The following TMEM132D variants were observed in gnomAD, a reference collection of about 807,000 sequenced individuals.
The protein encoded by TMEM132D is transmembrane protein 132D.
In TMEM132D, 21 loss-of-function variants were observed where a neutral mutation model predicts 62.3. The observed-to-expected ratio is 0.34, with a 90% confidence interval of 0.24 to 0.49. The LOEUF (loss-of-function observed/expected upper bound fraction) is 0.49, where lower values mean the gene tolerates loss of function less well. Among genes scored for constraint, TMEM132D ranks in the 20% least tolerant of loss-of-function variants. TMEM132D has a pLI of 0.99. For missense variants in TMEM132D, 1,346 were observed against 1,402.8 expected, an observed-to-expected ratio of 0.96 and a Z score of 0.65; for synonymous variants, 621 against 575.6, an observed-to-expected ratio of 1.08 and a Z score of -1.13.
At chr12:129,173,509 G>C (rs1877797407) in intron 5 of TMEM132D, among the ~76,000 whole-genome samples, 1 of 152,176 alleles carries the variant, frequency 6.6e-6, no homozygotes, top group Admixed American at 6.5e-5. Context: ...TTTTCAGCCT[G>C]AGGGATTCTT....
chr12:129,800,545 G>A (rs1469876849), intron 1 of TMEM132D, among the ~76,000 whole-genome samples: 1 of 152,112 alleles, frequency 6.6e-6, no homozygotes, highest in African/African-American at 2.4e-5. Flanking sequence ...TACAAAAGGG[G>A]AGCAGTGGAG....
intron 1 of TMEM132D, among the ~76,000 whole-genome samples, chr12:129,711,893 T>C (rs1260591463): frequency 6.6e-6 from 1 of 151,232 alleles, no homozygotes; most frequent in Non-Finnish European, 1.5e-5. Flanking sequence ...TAAAAGTTGA[T>C]AGTGTCCTTT....
rs145585718 is a variant in TMEM132D, at chr12:129,657,570, G to A, written c.968+42240C>T. ...GTTAAAATAAATGCTGAAGGTCATC[G>A]TTTGAGAGGGCAGCCTCCCCTTCAA... On this transcript the variant is annotated intron_variant, in intron 2 of 8. Transcript: ENST00000422113. 5.6e-3 allele frequency among the ~76,000 whole-genome samples: 851 copies of A among 152,320 alleles called. 8 individuals are homozygous for A. Among genetic ancestry groups the A allele is most frequent in the African/African-American group, 0.019 (810 of 41,574 alleles).
intron 1 of TMEM132D, among the ~76,000 whole-genome samples, chr12:129,817,285 G>A (rs1872374059): frequency 6.6e-6 from 1 of 152,198 alleles, no homozygotes; most frequent in Non-Finnish European, 1.5e-5. Flanking sequence ...TGCAGATGAT[G>A]TCTTTCTGCA....
At chr12:129,850,282 T>A (rs925303858) in intron 1 of TMEM132D, among the ~76,000 whole-genome samples, 6 of 152,174 alleles carry the variant, frequency 3.9e-5, no homozygotes, top group Admixed American at 3.9e-4. Context: ...TTCCCAGTTC[T>A]GGGTGGAGAA....
intron 5 of TMEM132D, among the ~76,000 whole-genome samples, chr12:129,191,647 T>C (rs1160191046): frequency 6.6e-6 from 1 of 151,940 alleles, no homozygotes; most frequent in African/African-American, 2.4e-5. Context: ...TATATTTATA[T>C]ATATCTCAGT....
intron 3 of TMEM132D, among the ~76,000 whole-genome samples, chr12:129,509,027 C>T (rs1875424192): frequency 6.6e-6 from 1 of 152,122 alleles, no homozygotes; most frequent in South Asian, 2.1e-4. Context: ...TGCAGTTCAC[C>T]ATATTGCAAT....
rs1336044823 is a variant in TMEM132D, at chr12:129,830,692, T to C, written c.79+72569A>G. Among the ~76,000 whole-genome samples the C allele has an allele frequency of 4.6e-5, 7 of 152,156 alleles. No individual in the cohort carries two copies. In the East Asian group the frequency reaches 1.3e-3, roughly 29 times the overall value. On this transcript the variant is annotated intron_variant, in intron 1 of 8. Transcript: ENST00000422113. ...CTCCCTGGGGCTGTGTCACAGGCAC[T>C]CGTCCTTAACTTTGGGAGATAAACC...
At chr12:129,780,571 T>C (rs1410839948) in intron 1 of TMEM132D, among the ~76,000 whole-genome samples, 1 of 152,116 alleles carries the variant, frequency 6.6e-6, no homozygotes, top group African/African-American at 2.4e-5. Flanking sequence ...GCCATCTGGC[T>C]GCTTCCCCAA....
intron 2 of TMEM132D, among the ~76,000 whole-genome samples, chr12:129,674,002 G>A (rs187187422): frequency 8.9e-4 from 136 of 152,246 alleles, no homozygotes; most frequent in African/African-American, 2.6e-3. Flanking sequence ...GAAAACCCCC[G>A]CTGACAGTTT....
chr12:129,126,355 TCTC>T (rs1288884860), intron 5 of TMEM132D, among the ~76,000 whole-genome samples: 30 of 138,644 alleles, frequency 2.2e-4, no homozygotes, highest in East Asian at 3.9e-4. Context: ...TCAGTTTCTC[TCTC>T]TTTTTTTTTT....
intron 4 of TMEM132D, among the ~76,000 whole-genome samples, chr12:129,243,341 G>C (rs146676423): frequency 6.6e-6 from 1 of 152,152 alleles, no homozygotes; most frequent in African/African-American, 2.4e-5. Flanking sequence ...TCAGACCTTG[G>C]ATTTATGAAC....
intron 3 of TMEM132D, among the ~76,000 whole-genome samples, chr12:129,433,742 G>A (rs1025597490): frequency 1.3e-5 from 2 of 152,174 alleles, no homozygotes; most frequent in African/African-American, 4.8e-5. Context: ...GCTGCCAGGA[G>A]GTGCTAAGGG....
At chr12:129,809,531 A>G (rs1022652874) in intron 1 of TMEM132D, among the ~76,000 whole-genome samples, 1 of 152,068 alleles carries the variant, frequency 6.6e-6, no homozygotes, top group Non-Finnish European at 1.5e-5. Flanking sequence ...CTGCATGAAG[A>G]AATGGGGCAG....
At chr12:129,665,112 G>A (rs1446559346) in intron 2 of TMEM132D, among the ~76,000 whole-genome samples, 1 of 152,024 alleles carries the variant, frequency 6.6e-6, no homozygotes, top group Non-Finnish European at 1.5e-5. Flanking sequence ...GTGTAAAAAT[G>A]GGCATGGTTT....
At chr12:129,094,069 A>G (rs1875019941) in intron 5 of TMEM132D, among the ~76,000 whole-genome samples, 1 of 152,156 alleles carries the variant, frequency 6.6e-6, no homozygotes, top group African/African-American at 2.4e-5. Flanking sequence ...ACCTAAAACC[A>G]TAAAAACCCT....
intron 2 of TMEM132D, among the ~76,000 whole-genome samples, chr12:129,588,191 C>T (rs1610177): frequency 0.19 from 28,791 of 152,214 alleles, 2,979 homozygotes; most frequent in Middle Eastern, 0.27. Flanking sequence ...CAAGATCATT[C>T]GCTTAATTCC....
chr12:129,814,764 C>G (rs1056496691), intron 1 of TMEM132D, among the ~76,000 whole-genome samples: 1 of 152,110 alleles, frequency 6.6e-6, no homozygotes, highest in East Asian at 1.9e-4. Context: ...CTCTGAGCTC[C>G]TTTTAGGTCC....
chr12:129,087,300 G>C (rs1874652271), intron 5 of TMEM132D, among the ~76,000 whole-genome samples: 1 of 151,916 alleles, frequency 6.6e-6, no homozygotes, highest in South Asian at 2.1e-4. Flanking sequence ...GAAATGCTAA[G>C]ATTTTTTTCT....
Sources: gnomAD v4.1 joint callset for allele counts (sites outside exome capture counted in the v4.1 genomes callset) on GRCh38, gnomAD v4.1.1 for gene constraint, MANE v1.5 for transcripts, NCBI Gene and HGNC (gene_info 2026-07-23, HGNC 2026-07-21) for gene names.